Variants in ASIC2 observed in about 807,000 individuals in gnomAD.
The protein encoded by ASIC2 is acid sensing ion channel subunit 2.
In ASIC2, 25 loss-of-function variants were observed where a neutral mutation model predicts 57.3. The observed-to-expected ratio is 0.44, with a 90% CI of 0.32 to 0.61. The LOEUF (loss-of-function observed/expected upper bound fraction) is 0.61, where lower values mean the gene tolerates loss of function less well. Ranked by LOEUF, ASIC2 falls within the 20% of genes least tolerant of loss-of-function variation. The pLI is 0.06. For synonymous variants in ASIC2, 319 were observed against 307.5 expected (o/e 1.04, Z -0.39); for missense variants, 641 against 738.1 (o/e 0.87, Z 1.52).
At chr17:33,527,899 G>A (rs1397088468) in intron 1 of ASIC2, among the ~76,000 whole-genome samples, 1 of 152,078 alleles carries the variant, frequency 6.6e-6, no homozygotes, top group Non-Finnish European at 1.5e-5. Context: ...GGGTAGGACT[G>A]GATTAGATGA....
rs375532815 is a variant in ASIC2 at position 33,023,023 on chromosome 17, C to T, written c.1349+838G>A. Among the ~76,000 whole-genome samples, 124 of 152,284 alleles carry T rather than the reference C, an allele frequency of 8.1e-4. 2 individuals are homozygous for T. In the South Asian group the frequency reaches 0.024, roughly 29 times the overall value. ...GCCTGAAGCAATCCTCCTGCCTTGG[C>T]CTCCCAAAGCATTGGGATTACAGGC... On this transcript the variant is annotated intron_variant, in intron 6 of 9. Coordinates refer to ENST00000225823, the MANE Select transcript of ASIC2 (RefSeq NM_183377.2).
intron 1 of ASIC2, among the ~76,000 whole-genome samples, chr17:34,148,822 G>C (rs1904391737): frequency 1.3e-5 from 2 of 152,166 alleles, no homozygotes; most frequent in Admixed American, 1.3e-4. Context: ...AGAGTAACTG[G>C]TGCTCAGTTT....
chr17:33,869,796 A>G (rs2141930541), intron 1 of ASIC2, among the ~76,000 whole-genome samples: 1 of 152,342 alleles, frequency 6.6e-6, no homozygotes, highest in East Asian at 1.9e-4. Flanking sequence ...GGGATAATAA[A>G]AATATCCTAA....
In ASIC2 at chr17:34,038,631, G is replaced by T. The variant is rs1597987639; in HGVS notation, c.555+117347C>A. The T allele has an allele frequency of 2.5e-6, 4 of 1,594,462 alleles. No individual in the cohort carries two copies. The East Asian group carries it at 6.7e-5, about 27-fold the overall frequency. ...TGTATCCTTTTTACTTCCCTGATAT[G>T]TAGTTTTCTAACCCTTTCTAGCCTC... On this transcript the variant is annotated intron_variant, in intron 1 of 9. Coordinates refer to the ASIC2 transcript ENST00000359872.
At chr17:33,086,727 G>T (rs966624629) in intron 3 of ASIC2, among the ~76,000 whole-genome samples, 1 of 151,982 alleles carries the variant, frequency 6.6e-6, no homozygotes, top group African/African-American at 2.4e-5. Context: ...AAAACTCGAG[G>T]CTGCCAAGAG....
chr17:33,323,727 G>A (rs987880040), intron 1 of ASIC2, among the ~76,000 whole-genome samples: 5 of 151,932 alleles, frequency 3.3e-5, no homozygotes, highest in African/African-American at 1.2e-4. Flanking sequence ...CCACACCCCC[G>A]CCCCAAAAAA....
chr17:33,737,998 G>A (rs1008422775), intron 1 of ASIC2, among the ~76,000 whole-genome samples: 6 of 152,136 alleles, frequency 3.9e-5, no homozygotes, highest in Non-Finnish European at 7.3e-5. Flanking sequence ...AAGGAATATG[G>A]AACTAAATTG....
chr17:33,413,747 A>G (rs1910742479), intron 1 of ASIC2, among the ~76,000 whole-genome samples: 1 of 152,186 alleles, frequency 6.6e-6, no homozygotes, highest in Non-Finnish European at 1.5e-5. Flanking sequence ...CTCTCAGCTC[A>G]AATATTCTTT....
intron 1 of ASIC2, among the ~76,000 whole-genome samples, chr17:34,051,013 T>C (rs1908534842): frequency 6.6e-6 from 1 of 152,236 alleles, no homozygotes; most frequent in Admixed American, 6.5e-5. Context: ...CTGCTCTCTC[T>C]GCTGCTGATC....
intron 1 of ASIC2, among the ~76,000 whole-genome samples, chr17:33,918,907 C>T (rs1915647926): frequency 6.6e-6 from 1 of 152,148 alleles, no homozygotes; most frequent in South Asian, 2.1e-4. Flanking sequence ...GGTCTCAGGA[C>T]ACTGGTGCTG....
At chr17:34,030,170 T>C (rs1241561831) in intron 1 of ASIC2, among the ~76,000 whole-genome samples, 1 of 152,194 alleles carries the variant, frequency 6.6e-6, no homozygotes, top group East Asian at 1.9e-4. Flanking sequence ...GTGAATGTGT[T>C]GCATATAAGC....
chr17:33,246,295 G>A (rs1292115238), intron 1 of ASIC2, among the ~76,000 whole-genome samples: 1 of 152,170 alleles, frequency 6.6e-6, no homozygotes, highest in Non-Finnish European at 1.5e-5. Flanking sequence ...TGGGGCAGAT[G>A]GAGTTGCTGT....
chr17:33,719,692 G>A (rs1180686944), intron 1 of ASIC2, among the ~76,000 whole-genome samples: 2 of 152,190 alleles, frequency 1.3e-5, no homozygotes, highest in Non-Finnish European at 2.9e-5. Context: ...CTGCAATAAG[G>A]CACTGAGTCT....
At chr17:33,833,513 CGTGT>C (rs142945917) in intron 1 of ASIC2, among the ~76,000 whole-genome samples, 2 of 149,288 alleles carry the variant, frequency 1.3e-5, no homozygotes, top group African/African-American at 4.9e-5. Flanking sequence ...TGTGTATGTG[CGTGT>C]GTGTGTGTGT....
intron 1 of ASIC2, among the ~76,000 whole-genome samples, chr17:33,683,996 A>G (rs568832272): frequency 9.8e-5 from 15 of 152,350 alleles, no homozygotes; most frequent in African/African-American, 3.4e-4. Flanking sequence ...ATTTAACCCA[A>G]TAACAGTCAG....
At chr17:33,326,213 A>T (rs945988800) in intron 1 of ASIC2, among the ~76,000 whole-genome samples, 1 of 152,142 alleles carries the variant, frequency 6.6e-6, no homozygotes, top group South Asian at 2.1e-4. Context: ...TACCAGTAAA[A>T]CCCTATGAGG....
At chr17:33,504,679 C>A (rs555072867) in intron 1 of ASIC2, among the ~76,000 whole-genome samples, 1 of 152,208 alleles carries the variant, frequency 6.6e-6, no homozygotes, top group Non-Finnish European at 1.5e-5. Flanking sequence ...TACTTGTTGC[C>A]GCATACTCCT....
At chr17:33,687,068 C>G (rs1251168431) in intron 1 of ASIC2, among the ~76,000 whole-genome samples, 1 of 152,160 alleles carries the variant, frequency 6.6e-6, no homozygotes, top group Non-Finnish European at 1.5e-5. Context: ...CGATGAGTGG[C>G]TTAGCATCTC....
chr17:33,045,867 C>T (rs951935501), intron 3 of ASIC2, among the ~76,000 whole-genome samples: 6 of 152,248 alleles, frequency 3.9e-5, no homozygotes, highest in African/African-American at 7.2e-5. Context: ...CCAACTTCCA[C>T]CCTCAGCTGA....
Sources: allele counts gnomAD v4.1 joint callset (sites outside exome capture counted in the v4.1 genomes callset), GRCh38; gene constraint gnomAD v4.1.1; transcripts MANE v1.5; gene names NCBI Gene and HGNC (gene_info 2026-07-23, HGNC 2026-07-21).